Variants in TCP11 observed in about 807,000 individuals in gnomAD.
TCP11 encodes t-complex 11, also known as T-complex protein 11 homolog.
In TCP11, 34 loss-of-function variants were observed where a neutral mutation model predicts 45.0. The observed-to-expected ratio is 0.76, with a 90% CI of 0.57 to 1.01. The LOEUF (loss-of-function observed/expected upper bound fraction) is 1.01, where lower values mean the gene tolerates loss of function less well. Ranked by LOEUF, TCP11 falls within the 50% of genes least tolerant of loss-of-function variation. The pLI is 0.00. For synonymous variants in TCP11, 227 were observed against 227.0 expected (o/e 1.00, Z 0.00); for missense variants, 523 against 598.1 (o/e 0.87, Z 1.31).
chr6:35,138,750 T>C (rs989927937), intron 2 of TCP11, among the ~76,000 whole-genome samples: 4 of 152,212 alleles, frequency 2.6e-5, no homozygotes, highest in Non-Finnish European at 5.9e-5. Flanking sequence ...TTGGATTGTT[T>C]GTAACACAAA....
intron 2 of TCP11, 54 bp from the exon 3 acceptor site, chr6:35,136,272 A>C (rs1448438791): frequency 3.0e-5 from 43 of 1,419,920 alleles, no homozygotes; most frequent in Non-Finnish European, 4.2e-5. Flanking sequence ...TTTTATTCAG[A>C]GATTCACTCA....
intron 9 of TCP11, 96 bp downstream of exon 9, chr6:35,119,132 C>G: frequency 6.8e-7 from 1 of 1,475,488 alleles, no homozygotes; most frequent in East Asian, 2.3e-5. Context: ...CAATGACGTA[C>G]CTAATGACCA....
chr6:35,137,833 C>A, intron 2 of TCP11: 1 of 455,080 alleles, frequency 2.2e-6, no homozygotes, highest in South Asian at 1.6e-5. Flanking sequence ...AGATTGGCCA[C>A]GAGTTGATCA....
Position 35,129,333 on chromosome 6 carries a change from T to C in TCP11, c.237-151A>G, listed in dbSNP as rs185401462. ...GAACTATGTTGGAACTGCAGCAGAG[T>C]TGAACAAGCTAGGGTTAGATTTGTA... On this transcript the variant is annotated intron_variant, in intron 3 of 9. Transcript: ENST00000311875. 2.6e-4 allele frequency: 253 copies of C among 990,556 alleles called. 1 individual carries two copies. The African/African-American group carries it at 3.9e-3, about 15-fold the overall frequency. The allele number at this position is 990,556 out of a possible 1,614,324, so 61.4% of individuals were successfully genotyped here.
intron 2 of TCP11, among the ~76,000 whole-genome samples, chr6:35,139,859 AAT>A (rs1781515712): frequency 1.3e-5 from 2 of 152,240 alleles, no homozygotes. Context: ...ATTTTCAAGT[AAT>A]ATAACAACCA....
chr6:35,141,284 G>T lies in TCP11; in HGVS notation c.-94C>A. ...GCCTGGCGGCCTGGAGCGTACCACC[G>T]CGGCGGAGCGGCGGGTTGGGGCGTC... On this transcript the variant is annotated 5_prime_UTR_variant, in exon 1 of 10. Transcript: ENST00000311875. 3 of 1,293,058 alleles carry T rather than the reference G, an allele frequency of 2.3e-6. No individual in the cohort carries two copies. The highest frequency in any genetic ancestry group is 2.9e-6 in the Non-Finnish European group (3 of 1,021,062). The allele number at this position is 1,293,058 out of a possible 1,614,324, so 80.1% of individuals were successfully genotyped here.
chr6:35,130,920 A>G (rs1562002629), intron 3 of TCP11, among the ~76,000 whole-genome samples: 1 of 152,242 alleles, frequency 6.6e-6, no homozygotes, highest in Non-Finnish European at 1.5e-5. Context: ...ACAAATGTTT[A>G]TAGCAGCTTT....
intron 3 of TCP11, among the ~76,000 whole-genome samples, chr6:35,129,700 C>T (rs1312161425): frequency 6.6e-6 from 1 of 152,082 alleles, no homozygotes; most frequent in African/African-American, 2.4e-5. Flanking sequence ...GTGGCACTAC[C>T]ATCTATATAG....
intron 3 of TCP11, among the ~76,000 whole-genome samples, chr6:35,133,719 G>A (rs1166696908): frequency 6.6e-6 from 1 of 152,012 alleles, no homozygotes; most frequent in Non-Finnish European, 1.5e-5. Flanking sequence ...GAACCCGGGA[G>A]GCTGAGGTTG....
At chr6:35,121,785 C>A (rs768394951) in intron 5 of TCP11, among the ~76,000 whole-genome samples, 1 of 144,940 alleles carries the variant, frequency 6.9e-6, no homozygotes, top group Non-Finnish European at 1.5e-5. Flanking sequence ...TGTACCTGGG[C>A]AACAAGAGTG....
At position 35,120,905 on chromosome 6, in the gene TCP11, A is replaced by G. The variant is rs1187775630; in HGVS notation, c.715+4T>C. On this transcript the variant is annotated splice_donor_region_variant and intron_variant, in intron 6 of 9. Transcript: ENST00000311875. This position sits in a 1 kb window ranked among gnomAD's most constrained non-coding sequence, Gnocchi z 4.9. ...CCACTCCTGCCCTCACATTATATAC[A>G]TACTAGGCTGCTTATTGAGGAGTTC... 2.5e-5 allele frequency: 41 copies of G among 1,613,032 alleles called. No homozygotes were observed. In the East Asian group the frequency reaches 9.1e-4, roughly 36 times the overall value.
chr6:35,129,218 ACCC>A, intron 3 of TCP11, 36 bp from the exon 4 acceptor site: 1 of 1,595,022 alleles, frequency 6.3e-7, no homozygotes, highest in South Asian at 1.1e-5. Flanking sequence ...TACTCTCTCA[ACCC>A]AAAAACAGTT....
Position 35,120,673 on chromosome 6 carries a change from C to T in TCP11, c.716-27G>A. 6.3e-7 allele frequency: 1 copy of T among 1,588,134 alleles called. No homozygotes were observed. The highest frequency in any genetic ancestry group is 8.6e-7 in the Non-Finnish European group (1 of 1,164,364). On this transcript the variant is annotated intron_variant, in intron 6 of 9. Transcript: ENST00000311875. This position sits in a 1 kb window ranked among gnomAD's most constrained non-coding sequence, Gnocchi z 4.9. ...TATGACAGGTAAGGGAGTGTGTAAG[C>T]ATCTTTAGCATCTTCATCTCTGAGG...
At chr6:35,127,209 G>A (rs1007600025) in intron 4 of TCP11, among the ~76,000 whole-genome samples, 8 of 152,194 alleles carry the variant, frequency 5.3e-5, no homozygotes, top group African/African-American at 1.9e-4. Context: ...AAAAAAAGGA[G>A]TTACTGTACT....
chr6:35,140,809 C>T lies in TCP11; in HGVS notation c.62G>A (p.Cys21Tyr). 6.5e-7 allele frequency: 1 copy of T among 1,542,802 alleles called. No homozygotes were observed. Among genetic ancestry groups the T allele is most frequent in the Non-Finnish European group, 8.7e-7 (1 of 1,150,704 alleles). ...KYPGDSEGRS[C>Y]KPETSGPPQE... ...GGGGGGTCCTGAGGTTTCGGGCTTA[C>T]AGGACCTGCCCTCTGAGTCGCCAGG... Residue 21 changes from cysteine to tyrosine, a missense_variant, in exon 2 of 10, where the codon TGT (cysteine) becomes TAT (tyrosine). This residue lies in a region of TCP11 where 225 missense variants were observed against 210.2 expected (regional missense o/e 1.07). Transcript: ENST00000311875.
At chr6:35,132,170 C>T (rs1025712895) in intron 3 of TCP11, among the ~76,000 whole-genome samples, 2 of 152,230 alleles carry the variant, frequency 1.3e-5, no homozygotes, top group Non-Finnish European at 2.9e-5. Context: ...TTGGGCTCAG[C>T]CATTGCAAGT....
At chr6:35,128,188 A>C (rs1172607919) in intron 4 of TCP11, 3 of 152,216 alleles carry the variant, frequency 2.0e-5, no homozygotes, top group Non-Finnish European at 4.4e-5. Context: ...TCATTTGGAA[A>C]CATGACTGGG....
At chr6:35,138,547 G>A (rs1781365895) in intron 2 of TCP11, among the ~76,000 whole-genome samples, 1 of 144,824 alleles carries the variant, frequency 6.9e-6, no homozygotes, top group African/African-American at 2.5e-5. Flanking sequence ...AACTCATGTA[G>A]ATAGAGAATA....
chr6:35,140,037 T>A (rs755464612), intron 2 of TCP11: 1 of 1,614,182 alleles, frequency 6.2e-7, no homozygotes, highest in Non-Finnish European at 8.5e-7. Context: ...TCATAGCTGT[T>A]GGAAATGACC....
Sources: gnomAD v4.1 joint callset for allele counts (sites outside exome capture counted in the v4.1 genomes callset) on GRCh38, gnomAD v4.1.1 for gene constraint, gnomAD v4.1.1 regional missense constraint, Gnocchi (gnomAD v3.1) non-coding constraint, MANE v1.5 for transcripts, NCBI Gene and HGNC (gene_info 2026-07-23, HGNC 2026-07-21) for gene names.